FKBP2: variants seen among roughly 807,000 people sequenced by gnomAD.
FKBP2 encodes peptidyl-prolyl cis-trans isomerase FKBP2.
A neutral mutation model predicts 19.4 loss-of-function variants in FKBP2; 15 were observed. The ratio of observed to expected loss-of-function variants is 0.77; its 90% confidence interval spans 0.52 to 1.19. The LOEUF (loss-of-function observed/expected upper bound fraction) is 1.19, where lower values mean the gene tolerates loss of function less well. Among genes scored for constraint, FKBP2 ranks in the 50% most tolerant of loss-of-function variants. FKBP2 has a pLI of 0.00. For synonymous variants in FKBP2, 76 were observed against 74.8 expected (o/e 1.02, Z -0.08); for missense variants, 170 against 179.0 (o/e 0.95, Z 0.29).
chr11:64,244,088 AAAAAC>A lies in FKBP2; in HGVS notation c.*64_*68del. ...ATCAGGGACCAGACTGTTCCAAAAA[AAAAAC>A]AAAAAACAAAAACAAACAAAAAAAC... is the stretch of plus-strand genomic sequence containing the variant. On this transcript the variant is annotated 3_prime_UTR_variant, in exon 6 of 6. Transcript: ENST00000309366. The A allele has an allele frequency of 6.4e-7, 1 of 1,555,218 alleles. No homozygotes were observed. Among genetic ancestry groups the A allele is most frequent in the Non-Finnish European group, 8.8e-7 (1 of 1,139,918 alleles).
chr11:64,243,914 A>G (rs776169540), intron 5 of FKBP2, 38 bp downstream of exon 5: 5 of 1,614,038 alleles, frequency 3.1e-6, no homozygotes, highest in Non-Finnish European at 4.2e-6. Context: ...ACCTGCAGCC[A>G]GCCCACCTCC....
At chr11:64,243,363 C>T (rs1362308964) in intron 3 of FKBP2, 52 bp downstream of exon 3, 1 of 1,602,484 alleles carries the variant, frequency 6.2e-7, no homozygotes, top group African/African-American at 1.3e-5. Context: ...GGCCACCGCC[C>T]AGGAGGTAAG....
In FKBP2 at chr11:64,244,057, G is replaced by A. The variant is rs769329674; in HGVS notation, c.*28G>A. The stretch of plus-strand genomic sequence containing the variant: ...AGACTGGGGAGGGGCAGGGGGAGAG[G>A]CCCCCATCAGGGACCAGACTGTTCC... On this transcript the variant is annotated 3_prime_UTR_variant, in exon 6 of 6. Coordinates refer to ENST00000309366, the MANE Select transcript of FKBP2 (RefSeq NM_004470.4). The A allele has an allele frequency of 2.5e-6, 4 of 1,608,690 alleles. No homozygotes were observed. Among genetic ancestry groups the A allele is most frequent in the African/African-American group, 1.3e-5 (1 of 74,590 alleles).
In FKBP2 at chr11:64,243,516, G is replaced by GGGTGC. The variant is rs757634637; in HGVS notation, c.331+20_331+24dup. The stretch of plus-strand genomic sequence containing the variant: ...GAGCTAGGTAAGAGGCCCCTCCTGA[G>GGGTGC]GGTGCAGAGCGAGTTTGGGGTGTGT... On this transcript the variant is annotated intron_variant, in intron 4 of 5. Transcript: ENST00000309366. 9.3e-6 allele frequency: 15 copies of GGGTGC among 1,613,238 alleles called. No homozygotes were observed. In the African/African-American group the frequency reaches 2.0e-4, roughly 22 times the overall value.
Position 64,243,454 on chromosome 11 carries a change from G to C in FKBP2, c.288G>C (p.Met96Ile). Reference protein sequence around the residue: ...IKGWDQGLLGMCEGEKRKLVI... With the variant: ...IKGWDQGLLGICEGEKRKLVI... ...CTGAGCATGTGTCTTCCTGCAGGAT[G>C]TGTGAGGGGGAAAAGCGCAAGCTGG... The change falls in exon 4 of 6, where the codon ATG (methionine) becomes ATC (isoleucine). Residue 96 changes from methionine to isoleucine, a missense_variant. Coordinates refer to ENST00000309366, the MANE Select transcript of FKBP2 (RefSeq NM_004470.4). 1 of 1,614,086 alleles carries C rather than the reference G, an allele frequency of 6.2e-7. No homozygotes were observed. The highest frequency in any genetic ancestry group is 1.1e-5 in the South Asian group (1 of 91,076).
intron 2 of FKBP2, 116 bp downstream of exon 2, chr11:64,242,674 C>T (rs2030603753): frequency 2.6e-6 from 3 of 1,133,666 alleles, no homozygotes; most frequent in Admixed American, 6.8e-5. Flanking sequence ...TCCCCTCTCG[C>T]CTCTAAGCCA....
intron 4 of FKBP2, 29 bp from the exon 5 acceptor site, chr11:64,243,812 C>T (rs776142374): frequency 5.6e-6 from 9 of 1,613,706 alleles, no homozygotes; most frequent in Non-Finnish European, 6.8e-6. Flanking sequence ...TTGGCCATCA[C>T]TGACTGTTTC....
At chr11:64,243,611 C>A in intron 4 of FKBP2, 114 bp downstream of exon 4, 2 of 1,379,662 alleles carry the variant, frequency 1.4e-6, no homozygotes, top group Non-Finnish European at 2.0e-6. Flanking sequence ...ACAATACATG[C>A]CTCCTCCAAG....
At position 64,244,018 on chromosome 11, in the gene FKBP2, A is replaced by G; in HGVS notation, c.418A>G (p.Thr140Ala). Residue 140 changes from threonine (T) to alanine (A), a missense_variant, in exon 6 of 6, where the codon ACT (threonine) becomes GCT (alanine). By Grantham distance (58) the Thr-to-Ala change is moderately conservative (BLOSUM62 0). Transcript: ENST00000309366. ...GGAGCTGCTCAAAATAGAGCGACGA[A>G]CTGAGCTGTAACCAGACTGGGGAGG... The part of the protein sequence containing the change: ...EVELLKIERR[T>A]EL 1 of 1,613,972 alleles carries G rather than the reference A, an allele frequency of 6.2e-7. No individual in the cohort carries two copies. The highest frequency in any genetic ancestry group is 8.5e-7 in the Non-Finnish European group (1 of 1,179,966).
At chr11:64,241,722 G>T (rs1159869092) in intron 1 of FKBP2, 1 of 152,388 alleles carries the variant, frequency 6.6e-6, no homozygotes, top group Non-Finnish European at 1.5e-5. Context: ...TGGGGACGCC[G>T]TAGGCCGAGA....
Position 64,242,285 on chromosome 11 carries a change from G to A in FKBP2, c.-4-99G>A, listed in dbSNP as rs1223847732. Reference sequence around the variant, plus strand: ...AAAGGGGATCCCCCGGGGCAAGGAAGATACAGTGGCGGTGGAACCCTCCTG... The same window carrying A: ...AAAGGGGATCCCCCGGGGCAAGGAAAATACAGTGGCGGTGGAACCCTCCTG... On this transcript the variant is annotated intron_variant, in intron 1 of 5. Coordinates refer to ENST00000309366, the MANE Select transcript of FKBP2 (RefSeq NM_004470.4). The A allele has an allele frequency of 4.1e-6, 5 of 1,216,594 alleles. No individual in the cohort carries two copies. The East Asian group carries it at 8.6e-5, about 21-fold the overall frequency. The allele number at this position is 1,216,594 out of a possible 1,614,324, so 75.4% of individuals were successfully genotyped here. A position where few individuals can be genotyped will look rare whatever the true frequency, so the allele number is the denominator to read the frequency against.
chr11:64,242,385 G>T lies in FKBP2; in HGVS notation c.-3G>T. The stretch of plus-strand genomic sequence containing the variant: ...GTCGGTCGGGGTCTGTGCCCACAGA[G>T]ACATGAGGCTGAGCTGGTTCCGGGT... On this transcript the variant is annotated splice_region_variant and 5_prime_UTR_variant, in exon 2 of 6. Transcript: ENST00000309366. The T allele has an allele frequency of 6.6e-7, 1 of 1,524,658 alleles. No individual in the cohort carries two copies. The allele number at this position is 1,524,658 out of a possible 1,614,324, so 94.4% of individuals were successfully genotyped here.
At chr11:64,241,739 C>T (rs1189305406) in intron 1 of FKBP2, 1 of 152,410 alleles carries the variant, frequency 6.6e-6, no homozygotes, top group Non-Finnish European at 1.5e-5. Flanking sequence ...GAGAACTCCA[C>T]CGGGAGAGGT....
In FKBP2 at chr11:64,243,495, T is replaced by A; in HGVS notation, c.329T>A (p.Leu110Gln). 1.2e-6 allele frequency: 2 copies of A among 1,613,706 alleles called. No individual in the cohort carries two copies. Among genetic ancestry groups the A allele is most frequent in the Non-Finnish European group, 1.7e-6 (2 of 1,180,014 alleles). Residue 110 changes from leucine (L) to glutamine (Q), a missense_variant and splice_region_variant, in exon 4 of 6, where the codon CTA becomes CAA. Coordinates refer to ENST00000309366, the MANE Select transcript of FKBP2 (RefSeq NM_004470.4). The part of the protein sequence containing the change: ...EKRKLVIPSE[L>Q]GYGERGAPPK... ...CGCAAGCTGGTGATCCCATCCGAGC[T>A]AGGTAAGAGGCCCCTCCTGAGGGTG...
chr11:64,242,577 C>A lies in FKBP2; in HGVS notation c.171+19C>A. ...CTACACGGTGAGTGGGTTGGGCGGG[C>A]CTTTTGGGAGTGGGTGGGGCTTCCG... On this transcript the variant is annotated intron_variant, in intron 2 of 5. Coordinates refer to ENST00000309366, the MANE Select transcript of FKBP2 (RefSeq NM_004470.4). 6.6e-7 allele frequency: 1 copy of A among 1,526,218 alleles called. No individual in the cohort carries two copies. The highest frequency in any genetic ancestry group is 8.7e-7 in the Non-Finnish European group (1 of 1,142,866). The allele number at this position is 1,526,218 out of a possible 1,614,324, so 94.5% of individuals were successfully genotyped here.
At chr11:64,243,058 A>T in intron 2 of FKBP2, 141 bp from the exon 3 acceptor site, 1 of 695,852 alleles carries the variant, frequency 1.4e-6, no homozygotes, top group South Asian at 1.7e-5. Flanking sequence ...GGCAACAGAG[A>T]CTCCATCTCA....
chr11:64,242,320 CG>C, intron 1 of FKBP2, 63 bp from the exon 2 acceptor site: 2 of 1,402,588 alleles, frequency 1.4e-6, no homozygotes, highest in Non-Finnish European at 1.9e-6. Flanking sequence ...GTTACCTACC[CG>C]TGTTCCATAC....
At chr11:64,243,644 T>G (rs903587170) in intron 4 of FKBP2, 147 bp downstream of exon 4, 21 of 1,208,388 alleles carry the variant, frequency 1.7e-5, no homozygotes, top group Non-Finnish European at 2.5e-5. Context: ...TAGCAGTGAG[T>G]ACAGGGCAAG....
At chr11:64,243,648 G>A in intron 4 of FKBP2, 151 bp downstream of exon 4, 2 of 1,194,622 alleles carry the variant, frequency 1.7e-6, no homozygotes, top group Non-Finnish European at 2.4e-6. Flanking sequence ...AGTGAGTACA[G>A]GGCAAGATCA....
Sources: allele counts gnomAD v4.1 joint callset, GRCh38; gene constraint gnomAD v4.1.1; transcripts MANE v1.5; gene names NCBI Gene and HGNC (gene_info 2026-07-23, HGNC 2026-07-21).